The following GPX3 variants were observed in gnomAD, a reference collection of about 807,000 sequenced individuals.
GPX3 encodes GPx-3.
Under a neutral mutation model 25.1 loss-of-function variants are expected in GPX3, and 22 were observed. The observed-to-expected ratio is 0.88, with a 90% CI of 0.63 to 1.25. The LOEUF (loss-of-function observed/expected upper bound fraction) is 1.25, where lower values mean the gene tolerates loss of function less well. GPX3 is among the 50% of genes most tolerant of loss of function. The pLI is 0.00. For synonymous variants in GPX3, 110 were observed against 114.5 expected (o/e 0.96, Z 0.25); for missense variants, 278 against 286.6 (o/e 0.97, Z 0.22).
rs1271383286 is a variant in GPX3, at chr5:151,025,464, G to A, written c.212G>A (p.Ser71Asn). The change falls in exon 2 of 5, where the codon AGC (serine) becomes AAC (asparagine). Residue 71 changes from serine to asparagine, a missense_variant. Ser to Asn is a conservative substitution (Grantham distance 46). Transcript: ENST00000388825. The stretch of plus-strand genomic sequence containing the variant: ...TACGTCCTCTTTGTCAACGTGGCCA[G>A]CTACTGAGGCCTGACGGGCCAGTAC... ...GKYVLFVNVA[S>N]YUGLTGQYIE... 6.2e-7 allele frequency: 1 copy of A among 1,612,128 alleles called. No individual in the cohort carries two copies. The highest frequency in any genetic ancestry group is 1.3e-5 in the African/African-American group (1 of 74,934).
At chr5:151,022,030 T>C (rs1394157323) in intron 1 of GPX3, among the ~76,000 whole-genome samples, 4 of 152,212 alleles carry the variant, frequency 2.6e-5, no homozygotes, top group African/African-American at 9.6e-5. Flanking sequence ...TAAATCCGAT[T>C]AATCAGCCTC....
intron 2 of GPX3, among the ~76,000 whole-genome samples, chr5:151,026,066 G>T (rs189145398): frequency 6.6e-6 from 1 of 152,148 alleles, no homozygotes; most frequent in Non-Finnish European, 1.5e-5. Context: ...CTTAAACAGG[G>T]TCACAAAGCT....
At chr5:151,027,692 G>A in intron 4 of GPX3, 161 bp downstream of exon 4, 1 of 663,772 alleles carries the variant, frequency 1.5e-6, no homozygotes, top group East Asian at 2.7e-5. Context: ...CCTGACTAGG[G>A]TCTCATTGGC....
chr5:151,026,049 G>C (rs185356889), intron 2 of GPX3, among the ~76,000 whole-genome samples: 2 of 152,322 alleles, frequency 1.3e-5, no homozygotes, highest in Admixed American at 1.3e-4. Flanking sequence ...TCAGAGCGAA[G>C]ATACAACTTA....
chr5:151,020,988 G>A (rs1209416250), intron 1 of GPX3: 2 of 543,776 alleles, frequency 3.7e-6, no homozygotes, highest in Non-Finnish European at 6.6e-6. Flanking sequence ...ATGACTAAGG[G>A]AGGAAGGTCT....
chr5:151,025,348 C>T lies in GPX3; in HGVS notation c.96C>T (p.Cys32=), dbSNP rs780569082. 3.1e-6 allele frequency: 5 copies of T among 1,593,942 alleles called. No individual in the cohort carries two copies. The African/African-American group carries it at 4.0e-5, about 13-fold the overall frequency. Residue 32 remains cysteine (C), a synonymous_variant, in exon 2 of 5, where the codon TGC becomes TGT. Coordinates refer to ENST00000388825, the MANE Select transcript of GPX3 (RefSeq NM_002084.5). ...SRGQEKSKMD[C]HGGISGTIYE... ...TATGGCCTGTGTTCCAGATGGACTGCCATGGTGGCATAAGTGGCACCATTT... is the reference window on the plus strand; with the variant it reads ...TATGGCCTGTGTTCCAGATGGACTGTCATGGTGGCATAAGTGGCACCATTT...
At chr5:151,020,834 C>T in intron 1 of GPX3, 93 bp downstream of exon 1, 1 of 1,203,702 alleles carries the variant, frequency 8.3e-7, no homozygotes, top group Non-Finnish European at 1.2e-6. Context: ...CCAGGCTCCC[C>T]GCCAGATGGG....
chr5:151,020,639 G>A lies in GPX3; in HGVS notation c.-16G>A. Reference sequence around the variant, plus strand: ...GGCAGCGGCTCAGGCGACCCTGAGTGTGCCCCCACCCCGCCATGGCCCGGC... The same window carrying A: ...GGCAGCGGCTCAGGCGACCCTGAGTATGCCCCCACCCCGCCATGGCCCGGC... On this transcript the variant is annotated 5_prime_UTR_variant, in exon 1 of 5. In the 5' UTR this introduces an upstream ATG that the reference lacks. Coordinates refer to ENST00000388825, the MANE Select transcript of GPX3 (RefSeq NM_002084.5). The A allele has an allele frequency of 6.2e-7, 1 of 1,600,216 alleles. No individual in the cohort carries two copies. The highest frequency in any genetic ancestry group is 8.5e-7 in the Non-Finnish European group (1 of 1,174,778).
In GPX3 at chr5:151,028,755, A is replaced by G. The variant is rs1756612251; in HGVS notation, c.*625A>G. On this transcript the variant is annotated 3_prime_UTR_variant, in exon 5 of 5. Coordinates refer to ENST00000388825, the MANE Select transcript of GPX3 (RefSeq NM_002084.5). ...TGAGATCAACCAAGGCAGATGTGAC[A>G]GCAAGGGCCACGGACCCCATGGCAG... 1 of 153,404 alleles carries G rather than the reference A, an allele frequency of 6.5e-6. No homozygotes were observed. Among genetic ancestry groups the G allele is most frequent in the African/African-American group, 2.4e-5 (1 of 41,364 alleles). 9.5% of individuals were successfully genotyped at this position (153,404 alleles called of 1,614,324 possible).
intron 2 of GPX3, chr5:151,026,507 T>C (rs1756550611): frequency 6.0e-6 from 1 of 166,632 alleles, no homozygotes; most frequent in African/African-American, 2.4e-5. Flanking sequence ...CCAAAGATTA[T>C]GGGAGGGTTG....
chr5:151,025,254 C>T (rs918775119), intron 1 of GPX3, 86 bp from the exon 2 acceptor site: 15 of 1,123,438 alleles, frequency 1.3e-5, no homozygotes, highest in South Asian at 1.7e-5. Context: ...GTCACTCTCT[C>T]TGTTGGGATC....
chr5:151,023,192 T>A (rs905486466), intron 1 of GPX3, among the ~76,000 whole-genome samples: 5 of 152,108 alleles, frequency 3.3e-5, no homozygotes, highest in Admixed American at 2.6e-4. Context: ...GATGCGGTGC[T>A]CTGGGATTCC....
rs758417544 is a variant in GPX3, at chr5:151,028,344, C to T, written c.*214C>T. On this transcript the variant is annotated 3_prime_UTR_variant, in exon 5 of 5. Coordinates refer to ENST00000388825, the MANE Select transcript of GPX3 (RefSeq NM_002084.5). ...GTTTACACACATGCCTACAGGTATG[C>T]GTGATTGTGTGTGTGTGCATGGGTG... The T allele has an allele frequency of 2.1e-5, 12 of 569,190 alleles. No individual in the cohort carries two copies. Among genetic ancestry groups the T allele is most frequent in the South Asian group, 3.9e-5 (2 of 50,702 alleles). 35.3% of individuals were successfully genotyped at this position (569,190 alleles called of 1,614,324 possible). A position where few individuals can be genotyped will look rare whatever the true frequency, so the allele number is the denominator to read the frequency against.
intron 2 of GPX3, chr5:151,026,510 G>C (rs906330565): frequency 5.9e-5 from 10 of 168,208 alleles, no homozygotes; most frequent in African/African-American, 1.7e-4. Context: ...AAGATTATGG[G>C]AGGGTTGTAA....
chr5:151,027,800 C>T (rs763868338), intron 4 of GPX3, 109 bp from the exon 5 acceptor site: 2 of 946,294 alleles, frequency 2.1e-6, no homozygotes, highest in South Asian at 1.3e-5. Flanking sequence ...TTCTAACTCC[C>T]AAACTGGGGC....
intron 2 of GPX3, 162 bp from the exon 3 acceptor site, chr5:151,026,737 GT>G: frequency 1.6e-6 from 1 of 613,572 alleles, no homozygotes; most frequent in Non-Finnish European, 2.9e-6. Context: ...TAGGACCTGA[GT>G]CCCAGCATTG....
intron 1 of GPX3, 77 bp downstream of exon 1, chr5:151,020,818 CT>C: frequency 1.5e-6 from 2 of 1,324,330 alleles, no homozygotes; most frequent in Non-Finnish European, 2.1e-6. Flanking sequence ...CAATGCACCC[CT>C]TTTCCCAGGC....
intron 2 of GPX3, among the ~76,000 whole-genome samples, chr5:151,026,255 C>G (rs1756546591): frequency 6.6e-6 from 1 of 152,142 alleles, no homozygotes; most frequent in Non-Finnish European, 1.5e-5. Flanking sequence ...GTCAGGGAGG[C>G]AAGGGCAATT....
chr5:151,027,096 C>A, intron 3 of GPX3, 79 bp downstream of exon 3: 1 of 933,598 alleles, frequency 1.1e-6, no homozygotes, highest in Non-Finnish European at 1.7e-6. Context: ...TCATGGTGGA[C>A]ATTTATCGGC....
Sources: allele counts gnomAD v4.1 joint callset (sites outside exome capture counted in the v4.1 genomes callset), GRCh38; gene constraint gnomAD v4.1.1; transcripts MANE v1.5; gene names NCBI Gene and HGNC (gene_info 2026-07-23, HGNC 2026-07-21).